The following MYO1E variants were observed in gnomAD, a reference collection of about 807,000 sequenced individuals.
MYO1E encodes the protein unconventional myosin-Ie.
Under a neutral mutation model 151.1 loss-of-function variants are expected in MYO1E, and 68 were observed. The observed-to-expected ratio is 0.45, with a 90% CI of 0.37 to 0.55. The LOEUF is 0.55. MYO1E is among the 20% of genes least tolerant of loss of function. The probability of loss-of-function intolerance (pLI) is 0.00; values close to 1 mark genes in which losing one functional copy is unlikely to be tolerated. For missense variants in MYO1E, 1,363 were observed against 1,389.3 expected (o/e 0.98, Z 0.30); for synonymous variants, 601 against 501.7 (o/e 1.20, Z -2.64).
chr15:59,231,467 AG>A, intron 6 of MYO1E, among the ~76,000 whole-genome samples: 1 of 152,330 alleles, frequency 6.6e-6, no homozygotes, highest in South Asian at 2.1e-4. Context: ...TTCCTTAGTA[AG>A]GCAACTGATG....
At chr15:59,346,983 C>T (rs1279394194) in intron 1 of MYO1E, among the ~76,000 whole-genome samples, 1 of 152,014 alleles carries the variant, frequency 6.6e-6, no homozygotes, top group Non-Finnish European at 1.5e-5. Flanking sequence ...AATGGAGGCC[C>T]CTGAAAGAAG....
intron 2 of MYO1E, among the ~76,000 whole-genome samples, chr15:59,270,644 CTT>C (rs112461375): frequency 2.1e-5 from 3 of 145,418 alleles, no homozygotes; most frequent in Admixed American, 6.8e-5. Flanking sequence ...AATAAATTCA[CTT>C]TTTTTTTTTG....
chr15:59,352,855 G>A (rs1161493462), intron 1 of MYO1E, among the ~76,000 whole-genome samples: 1 of 152,128 alleles, frequency 6.6e-6, no homozygotes, highest in South Asian at 2.1e-4. Context: ...AGAAACTGGA[G>A]GAGCCATTGA....
chr15:59,356,515 A>G (rs959956483), intron 1 of MYO1E, among the ~76,000 whole-genome samples: 25 of 152,218 alleles, frequency 1.6e-4, no homozygotes, highest in African/African-American at 6.0e-4. Context: ...CCCTCAAGGA[A>G]AAGACCTGGG....
At chr15:59,213,121 G>T (rs1388187349) in intron 12 of MYO1E, among the ~76,000 whole-genome samples, 1 of 143,572 alleles carries the variant, frequency 7.0e-6, no homozygotes, top group Non-Finnish European at 1.5e-5. Flanking sequence ...AATGGAAACT[G>T]CACTGAACTA....
Position 59,207,510 on chromosome 15 carries a change from T to G in MYO1E, c.1530+1171A>C. The G allele has an allele frequency of 2.5e-6, 4 of 1,614,040 alleles. No individual in the cohort carries two copies. The highest frequency in any genetic ancestry group is 3.3e-4 in the Middle Eastern group (2 of 6,056). On this transcript the variant is annotated intron_variant, in intron 14 of 27. Transcript: ENST00000288235. ...TGATTATTGTTTCCAATCCAGTGGA[T>G]ATCTTAACTTATGTAGCTTGGAAGT...
At position 59,205,485 on chromosome 15, in the gene MYO1E, C is replaced by G. The variant is rs777371344; in HGVS notation, c.1531G>C (p.Val511Leu). Residue 511 changes from valine (V) to leucine (L), a missense_variant and splice_region_variant, in exon 15 of 28, where the codon GTA becomes CTA. Coordinates refer to ENST00000288235, the MANE Select transcript of MYO1E (RefSeq NM_004998.4). The stretch of plus-strand genomic sequence containing the variant: ...CAAAAGCCATCCATGTCATAGGATA[C>G]CTGGCCAAGAATGGAAAGAAATCGA... ...GFIIHHYAGK[V>L]SYDMDGFCER... The G allele has an allele frequency of 6.3e-7, 1 of 1,590,998 alleles. No homozygotes were observed. Among genetic ancestry groups the G allele is most frequent in the East Asian group, 2.2e-5 (1 of 44,680 alleles).
At chr15:59,213,327 C>T (rs1365109214) in intron 12 of MYO1E, among the ~76,000 whole-genome samples, 6 of 151,964 alleles carry the variant, frequency 3.9e-5, no homozygotes, top group African/African-American at 1.5e-4. Context: ...CACACCATCA[C>T]GCCCAGCTAA....
At chr15:59,146,507 G>A (rs1386105318) in intron 26 of MYO1E, among the ~76,000 whole-genome samples, 9 of 151,852 alleles carry the variant, frequency 5.9e-5, no homozygotes, top group African/African-American at 1.7e-4. Flanking sequence ...GTAGAGACAG[G>A]GTTTCACATG....
Position 59,256,622 on chromosome 15 carries a change from G to A in MYO1E, c.238-244C>T, listed in dbSNP as rs4775140. ...AGACGGAATTTGGAAGCAGTCTCCC[G>A]TAGGCATATCCATGATTCAGCCTTC... On this transcript the variant is annotated intron_variant, in intron 3 of 27. Coordinates refer to ENST00000288235, the MANE Select transcript of MYO1E (RefSeq NM_004998.4). Among the ~76,000 whole-genome samples the A allele has an allele frequency of 0.95, 143,929 of 152,156 alleles. 68,605 individuals are homozygous for A. The highest frequency in any genetic ancestry group is 1 in the East Asian group (5,174 of 5,174).
In MYO1E at chr15:59,196,671, T is replaced by C. The variant is rs547281087; in HGVS notation, c.1699-1104A>G. Among the ~76,000 whole-genome samples the C allele has an allele frequency of 7.9e-5, 12 of 152,332 alleles. No individual in the cohort carries two copies. The East Asian group carries it at 1.9e-3, about 24-fold the overall frequency. On this transcript the variant is annotated intron_variant, in intron 16 of 27. Coordinates refer to ENST00000288235, the MANE Select transcript of MYO1E (RefSeq NM_004998.4). ...AGTATATTCAAAGCAAGATATTCAT[T>C]GGTGAATTAAGTTCTCTGTTTAGAT...
chr15:59,200,873 G>T (rs537570157), intron 16 of MYO1E, among the ~76,000 whole-genome samples: 3 of 151,938 alleles, frequency 2.0e-5, no homozygotes, highest in African/African-American at 7.3e-5. Context: ...CACTGAGAGC[G>T]TAAGTAACAC....
intron 22 of MYO1E, among the ~76,000 whole-genome samples, chr15:59,165,857 G>A (rs2079560399): frequency 1.3e-5 from 2 of 152,200 alleles, no homozygotes; most frequent in Admixed American, 1.3e-4. Context: ...TGGCCTTTGG[G>A]GTGAGGAATG....
chr15:59,202,251 C>T, intron 16 of MYO1E, 75 bp downstream of exon 16: 1 of 1,309,200 alleles, frequency 7.6e-7, no homozygotes, highest in Non-Finnish European at 1.1e-6. Flanking sequence ...CATCCTGGCC[C>T]AGGGGTGCAG....
At chr15:59,287,760 G>C (rs1165574281) in intron 1 of MYO1E, among the ~76,000 whole-genome samples, 1 of 152,178 alleles carries the variant, frequency 6.6e-6, no homozygotes, top group African/African-American at 2.4e-5. Flanking sequence ...CAGTCTGAGT[G>C]AATGTGGGGG....
At chr15:59,210,105 C>G (rs1005199945) in intron 13 of MYO1E, among the ~76,000 whole-genome samples, 9 of 151,930 alleles carry the variant, frequency 5.9e-5, no homozygotes, top group African/African-American at 2.2e-4. Flanking sequence ...TGTGCTCAAG[C>G]GATCCACCTG....
At chr15:59,320,973 T>G (rs1445434066) in intron 1 of MYO1E, among the ~76,000 whole-genome samples, 1 of 152,060 alleles carries the variant, frequency 6.6e-6, no homozygotes, top group Non-Finnish European at 1.5e-5. Context: ...TTAAGGAACT[T>G]TTAACAATTG....
chr15:59,199,165 G>A (rs1053906289), intron 16 of MYO1E, among the ~76,000 whole-genome samples: 2 of 151,954 alleles, frequency 1.3e-5, no homozygotes, highest in Non-Finnish European at 2.9e-5. Flanking sequence ...GCATGATCTC[G>A]GCTCACTTGC....
chr15:59,216,521 T>C (rs1404843827), intron 10 of MYO1E, among the ~76,000 whole-genome samples: 5 of 150,670 alleles, frequency 3.3e-5, no homozygotes, highest in African/African-American at 7.3e-5. Context: ...GAAAGACTAA[T>C]TGTCAGAATA....
Sources: gnomAD v4.1 joint callset for allele counts (sites outside exome capture counted in the v4.1 genomes callset) on GRCh38, gnomAD v4.1.1 for gene constraint, MANE v1.5 for transcripts, NCBI Gene and HGNC (gene_info 2026-07-23, HGNC 2026-07-21) for gene names.